Variants in DBH observed in about 807,000 individuals in gnomAD.
The protein encoded by DBH is dopamine beta-hydroxylase (dopamine beta-monooxygenase).
Under a neutral mutation model 64.0 loss-of-function variants are expected in DBH, and 49 were observed. The observed-to-expected ratio is 0.77, with a 90% confidence interval of 0.61 to 0.97. The LOEUF (loss-of-function observed/expected upper bound fraction) is 0.97, where lower values mean the gene tolerates loss of function less well. Among genes scored for constraint, DBH ranks in the 50% least tolerant of loss-of-function variants. The pLI is 0.00. For synonymous variants in DBH, 343 were observed against 347.1 expected (o/e 0.99, Z 0.13); for missense variants, 828 against 826.6 (o/e 1.00, Z -0.02).
intron 11 of DBH, among the ~76,000 whole-genome samples, chr9:133,657,815 C>T (rs1401050263): frequency 4.6e-5 from 7 of 152,158 alleles, no homozygotes; most frequent in African/African-American, 4.8e-5. Flanking sequence ...CGTAAGGTGC[C>T]GCAGCCTGGA....
chr9:133,656,678 C>A (rs779558442), intron 10 of DBH, 28 bp downstream of exon 10: 2 of 1,609,044 alleles, frequency 1.2e-6, no homozygotes, highest in Middle Eastern at 3.4e-4. Flanking sequence ...AAGCTCCCTG[C>A]CCCCAGGGAA....
rs542369046 is a variant in DBH, at chr9:133,642,329, C to T, written c.609C>T (p.Pro203=). The T allele has an allele frequency of 2.4e-5, 39 of 1,614,150 alleles. No individual in the cohort carries two copies. Among genetic ancestry groups the T allele is most frequent in the Middle Eastern group, 1.6e-4 (1 of 6,062 alleles). ...TGCAGCTCCTGAAGCCCAATATCCC[C>T]GAACCGGAGTTGCCCTCAGACGCGT... is the stretch of plus-strand genomic sequence containing the variant. ...QRVQLLKPNI[P]EPELPSDACT... Residue 203 remains proline, a synonymous_variant, in exon 3 of 12, where the codon CCC becomes CCT. Coordinates refer to ENST00000393056, the MANE Select transcript of DBH (RefSeq NM_000787.4).
At position 133,636,410 on chromosome 9, in the gene DBH, C is replaced by T; in HGVS notation, c.39C>T (p.Pro13=). 1 of 1,612,094 alleles carries T rather than the reference C, an allele frequency of 6.2e-7. No individual in the cohort carries two copies. Among genetic ancestry groups the T allele is most frequent in the Non-Finnish European group, 8.5e-7 (1 of 1,179,958 alleles). The change falls in exon 1 of 12, where the codon CCC becomes CCT. Residue 13 remains proline, a synonymous_variant. Coordinates refer to ENST00000393056, the MANE Select transcript of DBH (RefSeq NM_000787.4). ...ALSRWASLPG[P]SMREAAFMYS... ...GTCGCTGGGCCAGCCTGCCCGGCCC[C>T]AGCATGCGGGAGGCAGCCTTCATGT...
At chr9:133,644,494 GCT>G (rs1378038338) in intron 5 of DBH, among the ~76,000 whole-genome samples, 174 bp downstream of exon 5, 1 of 152,240 alleles carries the variant, frequency 6.6e-6, no homozygotes, top group Non-Finnish European at 1.5e-5. Flanking sequence ...GCTGTGGTGG[GCT>G]CCCAGGGACA....
chr9:133,642,594 G>A, intron 3 of DBH, 130 bp downstream of exon 3: 1 of 1,160,398 alleles, frequency 8.6e-7, no homozygotes, highest in Admixed American at 2.0e-5. Context: ...TGGAACCTCA[G>A]GCACCTGCCT....
chr9:133,639,252 A>G (rs553265246), intron 1 of DBH, among the ~76,000 whole-genome samples: 2 of 151,444 alleles, frequency 1.3e-5, no homozygotes, highest in South Asian at 4.2e-4. Context: ...AAAATCCAAA[A>G]TTACATGTAT....
At chr9:133,656,758 G>GC in intron 10 of DBH, 108 bp downstream of exon 10, 2 of 1,390,710 alleles carry the variant, frequency 1.4e-6, no homozygotes, top group Non-Finnish European at 2.0e-6. Flanking sequence ...AGTTCTAGGA[G>GC]CAGAGACCTG....
intron 9 of DBH, 170 bp from the exon 10 acceptor site, chr9:133,656,353 C>A: frequency 2.5e-6 from 2 of 795,358 alleles, no homozygotes; most frequent in Non-Finnish European, 4.1e-6. Flanking sequence ...GTCTCTCCTG[C>A]CAATGGTGGC....
rs767687699 is a variant in DBH at position 133,658,474 on chromosome 9, C to T, written c.*27C>T. 8 of 1,588,550 alleles carry T rather than the reference C, an allele frequency of 5.0e-6. No homozygotes were observed. Among genetic ancestry groups the T allele is most frequent in the Non-Finnish European group, 5.1e-6 (6 of 1,165,596 alleles). ...GGGGGACCTACTCCTCCCCCTCCTC[C>T]ATGCTGTCCCTGTGGGCTCACACCG... On this transcript the variant is annotated 3_prime_UTR_variant, in exon 12 of 12. Coordinates refer to ENST00000393056, the MANE Select transcript of DBH (RefSeq NM_000787.4).
chr9:133,649,835 G>A (rs1028684074), intron 6 of DBH, among the ~76,000 whole-genome samples: 2 of 152,244 alleles, frequency 1.3e-5, no homozygotes, highest in African/African-American at 4.8e-5. Context: ...ACCGCTGACT[G>A]TGAGAACGCC....
In DBH at chr9:133,652,982, C is replaced by T. The variant is rs775742672; in HGVS notation, c.1417C>T (p.Arg473Trp). The change falls in exon 9 of 12, where the codon CGG becomes TGG. Residue 473 changes from arginine (R) to tryptophan (W), a missense_variant. Arg to Trp is a moderately radical substitution (Grantham distance 101, BLOSUM62 -3). Coordinates refer to ENST00000393056, the MANE Select transcript of DBH (RefSeq NM_000787.4). The stretch of plus-strand genomic sequence containing the variant: ...CTCCTGCACGTACAACACAGAAGAC[C>T]GGGAGCTGGCCACAGTGGTAAGTCA... ...ITSCTYNTEDRELATVGGFGI... is the reference protein window; with the variant it reads ...ITSCTYNTEDWELATVGGFGI... The T allele has an allele frequency of 6.8e-6, 11 of 1,613,200 alleles. No homozygotes were observed. Among genetic ancestry groups the T allele is most frequent in the South Asian group, 3.3e-5 (3 of 91,070 alleles).
chr9:133,646,332 CCGCCA>C (rs1832180953), intron 5 of DBH, among the ~76,000 whole-genome samples: 1 of 32,842 alleles, frequency 3.0e-5, no homozygotes. Flanking sequence ...CCCGCCATGT[CCGCCA>C]TGTCCACCAT....
intron 3 of DBH, 120 bp downstream of exon 3, chr9:133,642,584 T>A: frequency 1.6e-6 from 2 of 1,279,568 alleles, no homozygotes; most frequent in South Asian, 2.6e-5. Flanking sequence ...CTCTTATCAC[T>A]GGAACCTCAG....
intron 5 of DBH, among the ~76,000 whole-genome samples, 185 bp downstream of exon 5, chr9:133,644,505 C>T (rs1019322583): frequency 6.6e-6 from 1 of 152,256 alleles, no homozygotes; most frequent in African/African-American, 2.4e-5. Flanking sequence ...CTCCCAGGGA[C>T]AGGACCTCGA....
chr9:133,642,339 T>C lies in DBH; in HGVS notation c.619T>C (p.Leu207=). ...LLKPNIPEPE[L]PSDACTMEVQ... Reference sequence around the variant, plus strand: ...GAAGCCCAATATCCCCGAACCGGAGTTGCCCTCAGACGCGTGCACCATGGA... The same window carrying C: ...GAAGCCCAATATCCCCGAACCGGAGCTGCCCTCAGACGCGTGCACCATGGA... The change falls in exon 3 of 12, where the codon TTG becomes CTG. Residue 207 remains leucine (L), a synonymous_variant. Transcript: ENST00000393056. The C allele has an allele frequency of 6.2e-7, 1 of 1,613,714 alleles. No individual in the cohort carries two copies. The highest frequency in any genetic ancestry group is 8.5e-7 in the Non-Finnish European group (1 of 1,179,934).
At position 133,659,289 on chromosome 9, in the gene DBH, T is replaced by G. The variant is rs1293603043; in HGVS notation, c.*842T>G. The G allele has an allele frequency of 6.6e-6, 1 of 152,198 alleles. No homozygotes were observed. The allele number at this position is 152,198 out of a possible 1,614,324, so 9.4% of individuals were successfully genotyped here. The stretch of plus-strand genomic sequence containing the variant: ...CATCTGTAAAACCAGGCTGATGCCG[T>G]GCGGGCTAATGAGCCAATAAAGCTC... On this transcript the variant is annotated 3_prime_UTR_variant, in exon 12 of 12. Coordinates refer to ENST00000393056, the MANE Select transcript of DBH (RefSeq NM_000787.4).
intron 9 of DBH, among the ~76,000 whole-genome samples, chr9:133,653,913 C>T (rs897961375): frequency 3.3e-5 from 5 of 152,180 alleles, no homozygotes; most frequent in African/African-American, 4.8e-5. Context: ...CCAGCTGCTT[C>T]GGTAACCATG....
intron 1 of DBH, among the ~76,000 whole-genome samples, chr9:133,636,990 A>ACG (rs1194494872): frequency 6.6e-6 from 1 of 150,514 alleles, no homozygotes; most frequent in African/African-American, 2.5e-5. Context: ...TACACAGAGG[A>ACG]CGCACACACC....
intron 11 of DBH, 135 bp from the exon 12 acceptor site, chr9:133,658,181 G>T: frequency 8.3e-7 from 1 of 1,209,168 alleles, no homozygotes; most frequent in East Asian, 2.4e-5. Flanking sequence ...CAACTTGGGG[G>T]AGCAGAGTGA....
Sources: gnomAD v4.1 joint callset for allele counts (sites outside exome capture counted in the v4.1 genomes callset) on GRCh38, gnomAD v4.1.1 for gene constraint, MANE v1.5 for transcripts, NCBI Gene and HGNC (gene_info 2026-07-23, HGNC 2026-07-21) for gene names.